The following LIPC variants were observed in gnomAD, a reference collection of about 807,000 sequenced individuals.
LIPC encodes hepatic triacylglycerol lipase.
In LIPC, 44 loss-of-function variants were observed where a neutral mutation model predicts 50.7. The ratio of observed to expected loss-of-function variants is 0.87; its 90% CI spans 0.68 to 1.11. LIPC has a LOEUF of 1.11. Among genes scored for constraint, LIPC ranks in the 50% most tolerant of loss-of-function variants. The pLI is 0.00. For synonymous variants in LIPC, 271 were observed against 256.4 expected, an observed-to-expected ratio of 1.06 and a Z score of -0.54; for missense variants, 697 against 648.2, an observed-to-expected ratio of 1.08 and a Z score of -0.82.
At position 58,545,965 on chromosome 15, in the gene LIPC, C is replaced by G. The variant is rs376170453; in HGVS notation, c.798C>G (p.His266Gln). The G allele has an allele frequency of 6.2e-7, 1 of 1,612,874 alleles. No homozygotes were observed. Among genetic ancestry groups the G allele is most frequent in the Non-Finnish European group, 8.5e-7 (1 of 1,178,814 alleles). ...FLELYRHIAQ[H>Q]GFNAITQTIK... is the part of the protein sequence containing the mutation. ...AGCTCTACAGACATATTGCCCAGCA[C>G]GGCTTCAATGGTGAGAATGAAGTCA... The change falls in exon 5 of 9, where the codon CAC (histidine) becomes CAG (glutamine). Residue 266 changes from histidine (H) to glutamine (Q), a missense_variant. Coordinates refer to ENST00000299022, the MANE Select transcript of LIPC (RefSeq NM_000236.3).
intron 1 of LIPC, among the ~76,000 whole-genome samples, chr15:58,494,057 T>C (rs115756764): frequency 1.9e-3 from 294 of 152,236 alleles, no homozygotes; most frequent in African/African-American, 6.8e-3. Flanking sequence ...CATGAGGAGA[T>C]TGGCAGGCCC....
chr15:58,476,789 C>T (rs531575869), intron 1 of LIPC, among the ~76,000 whole-genome samples: 1 of 152,368 alleles, frequency 6.6e-6, no homozygotes, highest in East Asian at 1.9e-4. Context: ...TCATTCCTCA[C>T]AAGGCTGTGG....
intron 1 of LIPC, among the ~76,000 whole-genome samples, chr15:58,491,131 C>T (rs1467536713): frequency 6.6e-6 from 1 of 152,216 alleles, no homozygotes; most frequent in African/African-American, 2.4e-5. Context: ...GACAGCCAGG[C>T]CGCAAGAGGA....
rs1894486034 is a variant in LIPC, at chr15:58,569,614, C to G, written c.*787C>G. 1 of 152,088 alleles carries G rather than the reference C, an allele frequency of 6.6e-6. No individual in the cohort carries two copies. The highest frequency in any genetic ancestry group is 1.5e-5 in the Non-Finnish European group (1 of 68,028). The allele number at this position is 152,088 out of a possible 1,614,324, so 9.4% of individuals were successfully genotyped here. On this transcript the variant is annotated 3_prime_UTR_variant, in exon 9 of 9. Coordinates refer to ENST00000299022, the MANE Select transcript of LIPC (RefSeq NM_000236.3). ...ATGTGATGGTGTTTGGAGGTGGGGC[C>G]TTTGGGAGGTGATCAGGTCATGAGG...
At chr15:58,434,306 C>T (rs545511162) in intron 1 of LIPC, among the ~76,000 whole-genome samples, 2 of 152,290 alleles carry the variant, frequency 1.3e-5, no homozygotes, top group Admixed American at 1.3e-4. Context: ...CCTCTTTAGC[C>T]CCTCCTCCCA....
chr15:58,432,199 C>T (rs1893146804), intron 1 of LIPC, 79 bp downstream of exon 1: 1 of 1,086,468 alleles, frequency 9.2e-7, no homozygotes, highest in African/African-American at 1.5e-5. Context: ...CCAGGGGTTT[C>T]TGACTGTATG....
At chr15:58,534,690 T>C (rs1893058278) in intron 1 of LIPC, among the ~76,000 whole-genome samples, 1 of 152,164 alleles carries the variant, frequency 6.6e-6, no homozygotes, top group Admixed American at 6.5e-5. Flanking sequence ...CCACCAGGAA[T>C]GCTATAACTG....
chr15:58,474,402 A>C (rs1890911587), intron 1 of LIPC, among the ~76,000 whole-genome samples: 1 of 151,682 alleles, frequency 6.6e-6, no homozygotes, highest in African/African-American at 2.4e-5. Context: ...CTGTGGTCCC[A>C]CTTACTTACT....
chr15:58,514,965 C>T (rs1169356169), intron 1 of LIPC, among the ~76,000 whole-genome samples: 7 of 152,204 alleles, frequency 4.6e-5, no homozygotes, highest in Non-Finnish European at 8.8e-5. Flanking sequence ...GTCAACAGAA[C>T]TGTGTTTCTT....
intron 1 of LIPC, among the ~76,000 whole-genome samples, chr15:58,458,808 G>C (rs1381625672): frequency 6.6e-6 from 1 of 152,086 alleles, no homozygotes; most frequent in Admixed American, 6.5e-5. Context: ...CCTTGATCCT[G>C]GTTTCCCAGT....
rs533300601 is a variant in LIPC at position 58,561,093 on chromosome 15, G to A, written c.1169+112G>A. Reference sequence around the variant, plus strand: ...GGCCAGCTACAACTACTTTATTCCAGACGCAAACCAAAAACTATCTGAGAC... The same window carrying A: ...GGCCAGCTACAACTACTTTATTCCAAACGCAAACCAAAAACTATCTGAGAC... On this transcript the variant is annotated intron_variant, in intron 7 of 8. Coordinates refer to ENST00000299022, the MANE Select transcript of LIPC (RefSeq NM_000236.3). 641 of 754,242 alleles carry A rather than the reference G, an allele frequency of 8.5e-4. 2 individuals carry two copies. The African/African-American group carries it at 9.3e-3, about 11-fold the overall frequency. The allele number at this position is 754,242 out of a possible 1,614,324, so 46.7% of individuals were successfully genotyped here. A position where few individuals can be genotyped will look rare whatever the true frequency, so the allele number is the denominator to read the frequency against.
chr15:58,563,867 G>A (rs1169042182), intron 8 of LIPC, 144 bp downstream of exon 8: 2 of 763,592 alleles, frequency 2.6e-6, no homozygotes, highest in South Asian at 2.9e-5. Context: ...GAAAGGTGAA[G>A]TGACTATCCC....
chr15:58,541,964 G>A lies in LIPC; in HGVS notation c.453G>A (p.Leu151=). The change falls in exon 3 of 9, where the codon CTG becomes CTA. Residue 151 remains leucine, a synonymous_variant. Coordinates refer to ENST00000299022, the MANE Select transcript of LIPC (RefSeq NM_000236.3). Reference sequence around the variant, plus strand: ...AGGTCGCGGCTCTTCTCCGGTGGCTGGAGGTACCGACCTGCCCCATCCTTC... The same window carrying A: ...AGGTCGCGGCTCTTCTCCGGTGGCTAGAGGTACCGACCTGCCCCATCCTTC... ...GKEVAALLRW[L]EESVQLSRSH... 6.2e-7 allele frequency: 1 copy of A among 1,607,456 alleles called. No homozygotes were observed. Among genetic ancestry groups the A allele is most frequent in the African/African-American group, 1.3e-5 (1 of 74,876 alleles).
intron 1 of LIPC, among the ~76,000 whole-genome samples, chr15:58,534,728 A>G (rs1291860775): frequency 6.6e-6 from 1 of 152,218 alleles, no homozygotes; most frequent in Non-Finnish European, 1.5e-5. Flanking sequence ...GATGTGGCCA[A>G]AAAGAAGCTC....
chr15:58,543,921 A>G (rs1030747505), intron 4 of LIPC, among the ~76,000 whole-genome samples: 12 of 152,206 alleles, frequency 7.9e-5, no homozygotes, highest in Admixed American at 3.3e-4. Context: ...ACGGCCGGCC[A>G]TGAGGACATT....
At chr15:58,437,532 G>A (rs894062671) in intron 1 of LIPC, among the ~76,000 whole-genome samples, 1 of 152,054 alleles carries the variant, frequency 6.6e-6, no homozygotes, top group Non-Finnish European at 1.5e-5. Flanking sequence ...GTACTTAAAT[G>A]TACAAGAAAA....
At chr15:58,555,500 T>G (rs140083043) in intron 6 of LIPC, among the ~76,000 whole-genome samples, 1 of 152,188 alleles carries the variant, frequency 6.6e-6, no homozygotes, top group Middle Eastern at 3.2e-3. Context: ...AAGAGTCTTT[T>G]GGAATTAGAC....
chr15:58,512,560 A>C (rs1169146267), intron 1 of LIPC, among the ~76,000 whole-genome samples: 1 of 152,222 alleles, frequency 6.6e-6, no homozygotes, highest in Non-Finnish European at 1.5e-5. Context: ...TGGGTCTGCG[A>C]GACTACCTGG....
chr15:58,494,988 GT>G, intron 1 of LIPC: 1 of 415,094 alleles, frequency 2.4e-6, no homozygotes, highest in South Asian at 1.8e-5. Context: ...AACATCAACC[GT>G]TCCACCGGTC....
Sources: gnomAD v4.1 joint callset for allele counts (sites outside exome capture counted in the v4.1 genomes callset) on GRCh38, gnomAD v4.1.1 for gene constraint, MANE v1.5 for transcripts, NCBI Gene and HGNC (gene_info 2026-07-23, HGNC 2026-07-21) for gene names.